EZH1: variants seen among roughly 807,000 people sequenced by gnomAD.
The protein encoded by EZH1 is enhancer of zeste 1 polycomb repressive complex 2 subunit, also known as histone-lysine N-methyltransferase EZH1.
Under a neutral mutation model 100.5 loss-of-function variants are expected in EZH1, and 33 were observed. The ratio of observed to expected loss-of-function variants is 0.33; its 90% CI spans 0.25 to 0.44. The LOEUF (loss-of-function observed/expected upper bound fraction) is 0.44. Ranked by LOEUF, EZH1 falls within the 20% of genes least tolerant of loss-of-function variation. The pLI is 1.00. For missense variants in EZH1, 475 were observed against 928.4 expected, an observed-to-expected ratio of 0.51 and a Z score of 6.35; for synonymous variants, 272 against 313.8, an observed-to-expected ratio of 0.87 and a Z score of 1.41.
At chr17:42,744,933 C>G in intron 1 of EZH1, 78 bp downstream of exon 1, 1 of 1,239,164 alleles carries the variant, frequency 8.1e-7, no homozygotes, top group Non-Finnish European at 1.0e-6. Context: ...CCCTCCGCCT[C>G]TCCCTCCCTC....
chr17:42,735,297 C>T (rs1411778621), intron 1 of EZH1, among the ~76,000 whole-genome samples: 1 of 151,310 alleles, frequency 6.6e-6, no homozygotes, highest in Non-Finnish European at 1.5e-5. Flanking sequence ...TGTTGGCACA[C>T]ACCTGAAACT....
chr17:42,712,239 G>A (rs988282462), intron 12 of EZH1, 50 bp downstream of exon 12: 1 of 1,574,884 alleles, frequency 6.3e-7, no homozygotes, highest in Non-Finnish European at 8.7e-7. Context: ...GCTGGACAGA[G>A]CAATGCGTGA....
At chr17:42,702,825 C>T in intron 20 of EZH1, 52 bp downstream of exon 20, 3 of 1,583,934 alleles carry the variant, frequency 1.9e-6, no homozygotes, top group Non-Finnish European at 2.6e-6. Context: ...TTCCAACAGC[C>T]ACTCTTTCCA....
intron 16 of EZH1, 165 bp downstream of exon 16, chr17:42,705,842 T>C (rs1322620969): frequency 1.3e-6 from 1 of 770,210 alleles, no homozygotes; most frequent in Admixed American, 3.3e-5. Flanking sequence ...TAAGCCCTAC[T>C]GGGACTGAAG....
chr17:42,719,288 T>TAGCA lies in EZH1; in HGVS notation c.665-82_665-81insTGCT, dbSNP rs1567994347. ...ATCTGTGTGATCTTTTTTCCTTTTG[T>TAGCA]CATAGCATTTTGATTACAGCTGCTT... On this transcript the variant is annotated intron_variant, in intron 7 of 20. Coordinates refer to ENST00000428826, the MANE Select transcript of EZH1 (RefSeq NM_001991.5). The TAGCA allele has an allele frequency of 2.0e-5, 22 of 1,114,934 alleles. No homozygotes were observed. In the African/African-American group the frequency reaches 2.8e-4, roughly 14 times the overall value. 69.1% of individuals were successfully genotyped at this position (1,114,934 alleles called of 1,614,324 possible).
intron 1 of EZH1, among the ~76,000 whole-genome samples, chr17:42,742,030 T>C (rs913977511): frequency 6.6e-6 from 1 of 152,170 alleles, no homozygotes; most frequent in South Asian, 2.1e-4. Context: ...AAGGCAAATA[T>C]ATAAGAAACA....
chr17:42,732,675 G>T (rs1568004570), intron 1 of EZH1, among the ~76,000 whole-genome samples: 2 of 152,338 alleles, frequency 1.3e-5, no homozygotes, highest in East Asian at 3.9e-4. Context: ...GGCTGAGCCA[G>T]GAGAATGGCG....
chr17:42,727,888 C>T (rs943345159), intron 3 of EZH1, 125 bp from the exon 4 acceptor site: 5 of 633,028 alleles, frequency 7.9e-6, no homozygotes, highest in Non-Finnish European at 1.1e-5. Context: ...GCGATCTCAG[C>T]TCACCACAAC....
chr17:42,733,689 C>A (rs997067329), intron 1 of EZH1, among the ~76,000 whole-genome samples: 3 of 143,770 alleles, frequency 2.1e-5, no homozygotes, highest in African/African-American at 7.7e-5. Flanking sequence ...CGTCTGTAAT[C>A]TCAGCACTTT....
intron 5 of EZH1, among the ~76,000 whole-genome samples, chr17:42,723,300 G>C (rs1020534900): frequency 6.6e-6 from 1 of 152,062 alleles, no homozygotes; most frequent in Non-Finnish European, 1.5e-5. Flanking sequence ...GCTTGAACCT[G>C]GGAGGCAGAG....
chr17:42,739,530 G>A (rs2143892178), intron 1 of EZH1, among the ~76,000 whole-genome samples: 1 of 152,132 alleles, frequency 6.6e-6, no homozygotes, highest in Non-Finnish European at 1.5e-5. Flanking sequence ...ACAGGGGTTC[G>A]AGACCAGCCT....
In EZH1 at chr17:42,720,500, A is replaced by T. The variant is rs1385871542; in HGVS notation, c.488-51T>A. 2.6e-6 allele frequency: 4 copies of T among 1,541,244 alleles called. No homozygotes were observed. In the South Asian group the frequency reaches 5.0e-5, roughly 19 times the overall value. ...AGCAGTGGTCACTTCACATTCCATT[A>T]GTCCTCCTAGGCAGGTTTTCTTGTA... On this transcript the variant is annotated intron_variant, in intron 6 of 20. Transcript: ENST00000428826.
At position 42,712,284 on chromosome 17, in the gene EZH1, G is replaced by T; in HGVS notation, c.1401+5C>A. 6.2e-7 allele frequency: 1 copy of T among 1,612,938 alleles called. No individual in the cohort carries two copies. The highest frequency in any genetic ancestry group is 1.1e-5 in the South Asian group (1 of 90,988). On this transcript the variant is annotated splice_donor_5th_base_variant and intron_variant, in intron 12 of 20. Coordinates refer to ENST00000428826, the MANE Select transcript of EZH1 (RefSeq NM_001991.5). ...CCCATTTGTTCTGCTGCTTCCAGAT[G>T]GTACCTGCTTGCACGTCTTGGTCCC... is the stretch of plus-strand genomic sequence containing the variant.
At chr17:42,738,711 C>T (rs1485906537) in intron 1 of EZH1, among the ~76,000 whole-genome samples, 1 of 150,856 alleles carries the variant, frequency 6.6e-6, no homozygotes, top group Admixed American at 6.6e-5. Flanking sequence ...CTTGGCCTCC[C>T]AAAGTGCTGG....
chr17:42,744,993 G>A lies in EZH1; in HGVS notation c.-103+18C>T, dbSNP rs1295533576. ...GGCCCGGCCCCACCGCCCGGCCCAG[G>A]CTTGTTTACTCACTCACCCTCCATC... On this transcript the variant is annotated intron_variant, in intron 1 of 20. Transcript: ENST00000428826. The A allele has an allele frequency of 1.6e-6, 2 of 1,273,946 alleles. No individual in the cohort carries two copies. Among genetic ancestry groups the A allele is most frequent in the Non-Finnish European group, 2.0e-6 (2 of 982,784 alleles). The allele number at this position is 1,273,946 out of a possible 1,614,324, so 78.9% of individuals were successfully genotyped here. A position where few individuals can be genotyped will look rare whatever the true frequency, so the allele number is the denominator to read the frequency against.
intron 10 of EZH1, among the ~76,000 whole-genome samples, chr17:42,715,814 A>C (rs1430541338): frequency 6.6e-6 from 1 of 152,208 alleles, no homozygotes; most frequent in Non-Finnish European, 1.5e-5. Context: ...TTGGGAGGCC[A>C]GGCAGTCTGA....
intron 1 of EZH1, among the ~76,000 whole-genome samples, chr17:42,744,707 G>T (rs2054246128): frequency 1.3e-5 from 2 of 151,826 alleles, no homozygotes; most frequent in African/African-American, 4.8e-5. Context: ...CCCGCCCACC[G>T]GCCCACACCG....
intron 1 of EZH1, among the ~76,000 whole-genome samples, chr17:42,736,229 T>C (rs1271704901): frequency 2.0e-5 from 3 of 152,206 alleles, no homozygotes; most frequent in South Asian, 4.1e-4. Context: ...CAAAGTGATA[T>C]AGCCACTGTG....
At chr17:42,711,610 C>CA (rs1186877031) in intron 12 of EZH1, among the ~76,000 whole-genome samples, 2 of 150,952 alleles carry the variant, frequency 1.3e-5, no homozygotes, top group Admixed American at 6.6e-5. Flanking sequence ...GCCACTGCAC[C>CA]ACTCCAGCCT....
Sources: allele counts gnomAD v4.1 joint callset (sites outside exome capture counted in the v4.1 genomes callset), GRCh38; gene constraint gnomAD v4.1.1; transcripts MANE v1.5; gene names NCBI Gene and HGNC (gene_info 2026-07-23, HGNC 2026-07-21).